ZNF251: variants seen among roughly 807,000 people sequenced by gnomAD.
ZNF251 encodes the protein zinc finger protein 251.
Under a neutral mutation model 13.5 loss-of-function variants are expected in ZNF251, and 14 were observed. The observed-to-expected ratio is 1.04, with a 90% CI of 0.69 to 1.63. ZNF251 has a LOEUF of 1.63. Among genes scored for constraint, ZNF251 ranks in the 40% most tolerant of loss-of-function variants. ZNF251 has a pLI of 0.00. For synonymous variants in ZNF251, 287 were observed against 295.2 expected, an observed-to-expected ratio of 0.97 and a Z score of 0.28; for missense variants, 764 against 834.9, an observed-to-expected ratio of 0.92 and a Z score of 1.05.
At position 144,739,839 on chromosome 8, in the gene ZNF251, G is replaced by A. The variant is rs140844355; in HGVS notation, c.277+13844C>T. Among the ~76,000 whole-genome samples, 555 of 151,638 alleles carry A rather than the reference G, an allele frequency of 3.7e-3. 2 individuals are homozygous for A. The highest frequency in any genetic ancestry group is 6.3e-3 in the Non-Finnish European group (430 of 67,950). ...GAACCTGGGAGGGTAAGGCTGCAGC[G>A]AGCCAAGATGGCACCACTGCACTCC... On this transcript the variant is annotated intron_variant, in intron 4 of 4. Coordinates refer to ENST00000292562, the MANE Select transcript of ZNF251 (RefSeq NM_138367.2).
At chr8:144,727,868 A>G (rs1823562821) in intron 4 of ZNF251, among the ~76,000 whole-genome samples, 2 of 152,164 alleles carry the variant, frequency 1.3e-5, no homozygotes, top group South Asian at 4.1e-4. Context: ...GCTGGAGTGC[A>G]GTGGTGTGAT....
At chr8:144,732,605 G>T (rs769516880) in intron 4 of ZNF251, among the ~76,000 whole-genome samples, 13 of 151,946 alleles carry the variant, frequency 8.6e-5, no homozygotes, top group South Asian at 4.2e-4. Context: ...GAGGTCAGGA[G>T]ATGGAGACCA....
At chr8:144,743,951 T>C (rs758413752) in intron 4 of ZNF251, among the ~76,000 whole-genome samples, 57 of 152,230 alleles carry the variant, frequency 3.7e-4, no homozygotes, top group Admixed American at 2.7e-3. Flanking sequence ...GTCATTTATA[T>C]GTGCCTTTTA....
intron 4 of ZNF251, among the ~76,000 whole-genome samples, chr8:144,737,063 C>A (rs1216691407): frequency 2.0e-5 from 3 of 151,368 alleles, no homozygotes; most frequent in Non-Finnish European, 2.9e-5. Context: ...CTTAGCTTCC[C>A]AAAGTGCTGG....
intron 4 of ZNF251, among the ~76,000 whole-genome samples, chr8:144,726,271 C>A (rs1473009192): frequency 6.7e-6 from 1 of 148,518 alleles, no homozygotes; most frequent in Non-Finnish European, 1.5e-5. Flanking sequence ...CAATGGCTCA[C>A]ATCTGTTATC....
intron 4 of ZNF251, among the ~76,000 whole-genome samples, chr8:144,748,380 A>G (rs771141720): frequency 1.7e-4 from 26 of 151,984 alleles, no homozygotes; most frequent in Non-Finnish European, 3.4e-4. Flanking sequence ...CCAACCTCAC[A>G]TATTTTGATG....
intron 4 of ZNF251, among the ~76,000 whole-genome samples, chr8:144,732,616 T>G (rs375925234): frequency 1.4e-4 from 21 of 150,552 alleles, no homozygotes; most frequent in Non-Finnish European, 2.4e-4. Flanking sequence ...ATGGAGACCA[T>G]CCTGGCCAAC....
At chr8:144,754,653 G>A (rs1198757406) in intron 2 of ZNF251, 43 bp downstream of exon 2, 1 of 1,583,088 alleles carries the variant, frequency 6.3e-7, no homozygotes, top group Non-Finnish European at 8.6e-7. Context: ...GACTGGGATG[G>A]GGATGAAGAT....
At position 144,755,450 on chromosome 8, in the gene ZNF251, T is replaced by C; in HGVS notation, c.-121A>G. The C allele has an allele frequency of 7.8e-7, 1 of 1,286,938 alleles. No individual in the cohort carries two copies. The allele number at this position is 1,286,938 out of a possible 1,614,324, so 79.7% of individuals were successfully genotyped here. A position where few individuals can be genotyped will look rare whatever the true frequency, so the allele number is the denominator to read the frequency against. On this transcript the variant is annotated 5_prime_UTR_variant, in exon 1 of 5. Transcript: ENST00000292562. ...AGCCACCGAGGAAGCGCCGAGGAGC[T>C]GCGCAGTCGCACCGAGCCCGGAACG...
chr8:144,754,154 C>A lies in ZNF251; in HGVS notation c.163+38G>T, dbSNP rs372388359. On this transcript the variant is annotated intron_variant, in intron 3 of 4. Coordinates refer to ENST00000292562, the MANE Select transcript of ZNF251 (RefSeq NM_138367.2). ...AGCAGCCTCCCAAGCTCCTCAGAGG[C>A]CCCCACTGCGAACCAGGCCAAGTGC... 8.8e-6 allele frequency: 14 copies of A among 1,594,216 alleles called. No individual in the cohort carries two copies. In the South Asian group the frequency reaches 1.4e-4, roughly 15 times the overall value.
chr8:144,722,015 G>A lies in ZNF251; in HGVS notation c.1645C>T (p.His549Tyr). Reference protein sequence around the residue: ...TGEKHGRAFNHGANLILRWTV... With the variant: ...TGEKHGRAFNYGANLILRWTV... ...CAGCGCAGAATGAGATTTGCACCAT[G>A]GTTAAAGGCTCTGCCGTGCTTCTCT... The change falls in exon 5 of 5, where the codon CAT (histidine) becomes TAT (tyrosine). Residue 549 changes from histidine to tyrosine, a missense_variant. His to Tyr is a moderately conservative substitution (Grantham distance 83). Coordinates refer to ENST00000292562, the MANE Select transcript of ZNF251 (RefSeq NM_138367.2). This position sits in a 1 kb window ranked among gnomAD's most constrained non-coding sequence, Gnocchi z 4.8. The A allele has an allele frequency of 1.9e-6, 3 of 1,601,512 alleles. No homozygotes were observed. The highest frequency in any genetic ancestry group is 2.6e-6 in the Non-Finnish European group (3 of 1,173,646).
Position 144,722,021 on chromosome 8 carries a change from AG to A in ZNF251, c.1638del (p.Phe547LeufsTer40). The part of the protein sequence containing the change: ...QIPTGEKHGR[A>X]FNHGANLILR... Reference sequence around the variant, plus strand: ...AGAATGAGATTTGCACCATGGTTAAAGGCTCTGCCGTGCTTCTCTCCAGTGG... The same window carrying A: ...AGAATGAGATTTGCACCATGGTTAAAGCTCTGCCGTGCTTCTCTCCAGTGG... On this transcript the variant is annotated frameshift_variant, in exon 5 of 5. Transcript: ENST00000292562. LOFTEE classifies it low-confidence loss of function (END_TRUNC). This position sits in a 1 kb window ranked among gnomAD's most constrained non-coding sequence, Gnocchi z 4.8. 1 of 1,605,600 alleles carries A rather than the reference AG, an allele frequency of 6.2e-7. No individual in the cohort carries two copies. The highest frequency in any genetic ancestry group is 8.5e-7 in the Non-Finnish European group (1 of 1,175,648).
Position 144,723,285 on chromosome 8 carries a change from C to T in ZNF251, c.375G>A (p.Arg125=). The change falls in exon 5 of 5, where the codon AGG becomes AGA. Residue 125 remains arginine, a synonymous_variant. Transcript: ENST00000292562. The part of the protein sequence containing the change: ...TPEFVSRRLL[R]DNAQAAEFRE... ...GAAACTCAGCGGCCTGTGCATTATCCCTTAAGAGTCTTCTTGATACAAATT... is the reference window on the plus strand; with the variant it reads ...GAAACTCAGCGGCCTGTGCATTATCTCTTAAGAGTCTTCTTGATACAAATT... 1 of 1,587,032 alleles carries T rather than the reference C, an allele frequency of 6.3e-7. No individual in the cohort carries two copies. The highest frequency in any genetic ancestry group is 8.6e-7 in the Non-Finnish European group (1 of 1,168,280).
At chr8:144,753,891 C>CG in intron 3 of ZNF251, 95 bp from the exon 4 acceptor site, 1 of 951,568 alleles carries the variant, frequency 1.1e-6, no homozygotes, top group Non-Finnish European at 1.5e-6. Flanking sequence ...GTGTGTACGC[C>CG]TGCACGTGTG....
At chr8:144,749,394 A>T (rs1459819619) in intron 4 of ZNF251, among the ~76,000 whole-genome samples, 1 of 152,110 alleles carries the variant, frequency 6.6e-6, no homozygotes, top group Non-Finnish European at 1.5e-5. Context: ...CTGTGGTGGG[A>T]GGATCACTCG....
intron 4 of ZNF251, among the ~76,000 whole-genome samples, chr8:144,727,480 A>C (rs536308439): frequency 4.6e-5 from 7 of 152,366 alleles, no homozygotes; most frequent in African/African-American, 1.7e-4. Flanking sequence ...AACGTGCTGC[A>C]GCTTCTCCAT....
chr8:144,740,335 GTGTTT>G (rs1449520719), intron 4 of ZNF251, among the ~76,000 whole-genome samples: 2 of 150,764 alleles, frequency 1.3e-5, no homozygotes, highest in East Asian at 4.0e-4. Flanking sequence ...AAGTTTTGTT[GTGTTT>G]TAACTTCATT....
At chr8:144,731,304 G>A (rs1823687700) in intron 4 of ZNF251, among the ~76,000 whole-genome samples, 1 of 152,126 alleles carries the variant, frequency 6.6e-6, no homozygotes. Flanking sequence ...GCAGTTCTTC[G>A]TCTTCCTCCA....
intron 4 of ZNF251, among the ~76,000 whole-genome samples, chr8:144,731,853 G>T (rs545186188): frequency 6.6e-6 from 1 of 152,048 alleles, no homozygotes; most frequent in Non-Finnish European, 1.5e-5. Context: ...CTCCCAAAGT[G>T]CTGGGATTAC....
Sources: allele counts gnomAD v4.1 joint callset (sites outside exome capture counted in the v4.1 genomes callset), GRCh38; gene constraint gnomAD v4.1.1; non-coding constraint Gnocchi (gnomAD v3.1); transcripts MANE v1.5; gene names NCBI Gene and HGNC (gene_info 2026-07-23, HGNC 2026-07-21).